The following TRPV4 variants were observed in gnomAD, a reference collection of about 807,000 sequenced individuals.
TRPV4 encodes the protein transient receptor potential cation channel subfamily V member 4, also known as OSM9-like transient receptor potential channel 4.
TRPV4 carries 58 observed loss-of-function variants against 84.1 expected under a neutral mutation model. The observed-to-expected ratio is 0.69, with a 90% confidence interval of 0.56 to 0.86. The LOEUF is 0.86. TRPV4 is among the 40% of genes least tolerant of loss of function. The probability of loss-of-function intolerance (pLI) is 0.00; values close to 1 mark genes in which losing one functional copy is unlikely to be tolerated. For missense variants in TRPV4, 879 were observed against 1,181.1 expected (o/e 0.74, Z 3.75); for synonymous variants, 489 against 500.9 (o/e 0.98, Z 0.32).
chr12:109,792,264 A>AG, intron 12 of TRPV4, 99 bp downstream of exon 12: 1 of 887,454 alleles, frequency 1.1e-6, no homozygotes, highest in Non-Finnish European at 1.7e-6. Context: ...AAAAAAAAAA[A>AG]AGAACTCAGC....
rs776442935 is a variant in TRPV4 at position 109,814,729 on chromosome 12, C to G, written c.68G>C (p.Ser23Thr). The G allele has an allele frequency of 6.3e-7, 1 of 1,595,528 alleles. No individual in the cohort carries two copies. The highest frequency in any genetic ancestry group is 2.3e-5 in the East Asian group (1 of 43,920). Reference protein sequence around the residue: ...GEVAELPGDESGTPGGEAFPL... With the variant: ...GEVAELPGDETGTPGGEAFPL... ...AAAAGCCTCCCCACCTGGGGTGCCA[C>G]TCTCATCCCCGGGGAGCTCAGCCAC... The change falls in exon 2 of 16, where the codon AGT (serine) becomes ACT (threonine). Residue 23 changes from serine (S) to threonine (T), a missense_variant. Coordinates refer to ENST00000261740, the MANE Select transcript of TRPV4 (RefSeq NM_021625.5). The surrounding 1 kb of genome is among the most constrained non-coding windows in gnomAD (Gnocchi z 5.4).
At chr12:109,809,052 ATC>A (rs1891337646) in intron 2 of TRPV4, among the ~76,000 whole-genome samples, 1 of 143,866 alleles carries the variant, frequency 7.0e-6, no homozygotes, top group African/African-American at 2.6e-5. Flanking sequence ...CCATCCATCC[ATC>A]CATCACTCAT....
Position 109,803,067 on chromosome 12 carries a change from C to A in TRPV4, c.636G>T (p.Val212=). Residue 212 remains valine (V), a synonymous_variant, in exon 4 of 16, where the codon GTG becomes GTT. Coordinates refer to ENST00000261740, the MANE Select transcript of TRPV4 (RefSeq NM_021625.5). ...LSNGRNDTIP[V]LLDIAERTGN... is the part of the protein sequence containing the mutation. The stretch of plus-strand genomic sequence containing the variant: ...CGGTGCGCTCCGCGATGTCCAGCAG[C>A]ACAGGGATGGTGTCGTTGCGGCCAT... 1 of 1,614,198 alleles carries A rather than the reference C, an allele frequency of 6.2e-7. No homozygotes were observed. The highest frequency in any genetic ancestry group is 8.5e-7 in the Non-Finnish European group (1 of 1,180,044).
intron 1 of TRPV4, among the ~76,000 whole-genome samples, chr12:109,824,022 G>A (rs1012743175): frequency 1.3e-5 from 2 of 151,956 alleles, no homozygotes; most frequent in Non-Finnish European, 2.9e-5. Flanking sequence ...TAGAGTATAA[G>A]TGGCACAATC....
intron 3 of TRPV4, among the ~76,000 whole-genome samples, chr12:109,805,541 T>C (rs1220559409): frequency 6.6e-6 from 1 of 152,094 alleles, no homozygotes; most frequent in African/African-American, 2.4e-5. Context: ...TTGGAGGTTG[T>C]GAAACTCTGC....
At chr12:109,817,721 A>G (rs922479883) in intron 1 of TRPV4, among the ~76,000 whole-genome samples, 8 of 152,396 alleles carry the variant, frequency 5.2e-5, no homozygotes, top group Admixed American at 3.3e-4. Context: ...TGCCCAGCAC[A>G]GGGCCTCATC....
chr12:109,819,564 C>T (rs1293635164), intron 1 of TRPV4, among the ~76,000 whole-genome samples: 1 of 152,154 alleles, frequency 6.6e-6, no homozygotes, highest in Non-Finnish European at 1.5e-5. Context: ...TTCAGAGCAG[C>T]GGGTGTTTGT....
At chr12:109,791,480 T>C (rs896994030) in intron 12 of TRPV4, among the ~76,000 whole-genome samples, 1 of 128,902 alleles carries the variant, frequency 7.8e-6, no homozygotes, top group Non-Finnish European at 1.6e-5. Context: ...ATTCACCAGC[T>C]TTTTTTTTTT....
Position 109,788,466 on chromosome 12 carries a change from G to C in TRPV4, c.2142C>G (p.Leu714=), listed in dbSNP as rs751939888. 1.9e-6 allele frequency: 3 copies of C among 1,614,212 alleles called. No individual in the cohort carries two copies. Among genetic ancestry groups the C allele is most frequent in the Non-Finnish European group, 2.5e-6 (3 of 1,180,034 alleles). Residue 714 remains leucine, a synonymous_variant, in exon 13 of 16, where the codon CTC becomes CTG. Coordinates refer to ENST00000261740, the MANE Select transcript of TRPV4 (RefSeq NM_021625.5). ...CCACTGTCTCGCCCATGAGGGCAATGAGCATGTTGAGGAGCAGCACAAAGG... is the reference window on the plus strand; with the variant it reads ...CCACTGTCTCGCCCATGAGGGCAATCAGCATGTTGAGGAGCAGCACAAAGG... The part of the protein sequence containing the change: ...ILTFVLLLNM[L]IALMGETVGQ...
At position 109,794,136 on chromosome 12, in the gene TRPV4, A is replaced by T. The variant is rs1330571150; in HGVS notation, c.1492-114T>A. On this transcript the variant is annotated intron_variant, in intron 8 of 15. Transcript: ENST00000261740. ...GGCATCCCATGGAGCCTCCTCCTTC[A>T]CTCTCTTCCTCCTGAGTCTTCCTCC... The T allele has an allele frequency of 3.5e-6, 4 of 1,137,858 alleles. No homozygotes were observed. The African/African-American group carries it at 4.6e-5, about 13-fold the overall frequency. 70.5% of individuals were successfully genotyped at this position (1,137,858 alleles called of 1,614,324 possible).
At position 109,783,776 on chromosome 12, in the gene TRPV4, G is replaced by A. The variant is rs1411305679; in HGVS notation, c.2461C>T (p.Arg821Cys). 5.6e-6 allele frequency: 9 copies of A among 1,611,506 alleles called. No individual in the cohort carries two copies. Among genetic ancestry groups the A allele is most frequent in the South Asian group, 5.5e-5 (5 of 91,060 alleles). Reference sequence around the variant, plus strand: ...ACGCGGGGTACCACCGAGGACCAGCGATCTGCACCGAGAGCACATCAGAGG... The same window carrying A: ...ACGCGGGGTACCACCGAGGACCAGCAATCTGCACCGAGAGCACATCAGAGG... ...SHTVGRLRRD[R>C]WSSVVPRVVE... Residue 821 changes from arginine to cysteine, a missense_variant and splice_region_variant, in exon 16 of 16, where the codon CGC (arginine) becomes TGC (cysteine). By Grantham distance (180) the Arg-to-Cys change is radical. Around this residue, in one of 4 missense-constraint regions of TRPV4, gnomAD observed 242 missense variants for 355.3 expected, o/e 0.68. Transcript: ENST00000261740. The surrounding 1 kb of genome is among the most constrained non-coding windows in gnomAD (Gnocchi z 4.6).
In TRPV4 at chr12:109,814,936, A is replaced by C. The variant is rs1031669114; in HGVS notation, c.-31-109T>G. 9.1e-5 allele frequency: 100 copies of C among 1,102,662 alleles called. 1 individual carries two copies. The African/African-American group carries it at 1.4e-3, about 15-fold the overall frequency. 68.3% of individuals were successfully genotyped at this position (1,102,662 alleles called of 1,614,324 possible). On this transcript the variant is annotated intron_variant, in intron 1 of 15. Transcript: ENST00000261740. This position sits in a 1 kb window ranked among gnomAD's most constrained non-coding sequence, Gnocchi z 5.4. The stretch of plus-strand genomic sequence containing the variant: ...CAGTGCTGCCAGCTGCTTCAAAGCC[A>C]CCGTTGTAATGACAGGGGCACAGGG...
chr12:109,783,307 G>A lies in TRPV4; in HGVS notation c.*314C>T. 3.2e-6 allele frequency: 1 copy of A among 314,968 alleles called. No individual in the cohort carries two copies. The highest frequency in any genetic ancestry group is 5.9e-6 in the Non-Finnish European group (1 of 170,514). The allele number at this position is 314,968 out of a possible 1,614,324, so 19.5% of individuals were successfully genotyped here. ...AAGGCCTCTGCCAGGTTCCAGCTGG[G>A]GCAGGGGTCACGTCGCTTCCTGAGA... On this transcript the variant is annotated 3_prime_UTR_variant, in exon 16 of 16. Coordinates refer to ENST00000261740, the MANE Select transcript of TRPV4 (RefSeq NM_021625.5). This position sits in a 1 kb window ranked among gnomAD's most constrained non-coding sequence, Gnocchi z 4.6.
chr12:109,792,462 A>C, intron 11 of TRPV4, 33 bp from the exon 12 acceptor site: 1 of 1,609,696 alleles, frequency 6.2e-7, no homozygotes, highest in Non-Finnish European at 8.5e-7. Flanking sequence ...GGAGGCAAAG[A>C]GGAGACACAT....
rs1891723582 is a variant in TRPV4, at chr12:109,814,363, A to G, written c.386+48T>C. 2.5e-6 allele frequency: 4 copies of G among 1,599,128 alleles called. No homozygotes were observed. The highest frequency in any genetic ancestry group is 3.4e-6 in the Non-Finnish European group (4 of 1,171,856). The stretch of plus-strand genomic sequence containing the variant: ...AGAGGGGTGGATGATGAATGGGTGA[A>G]TGGATACAGAGGAGGAGACCACAGG... On this transcript the variant is annotated intron_variant, in intron 2 of 15. Transcript: ENST00000261740. This position sits in a 1 kb window ranked among gnomAD's most constrained non-coding sequence, Gnocchi z 5.4.
At chr12:109,804,013 T>A (rs11068376) in intron 3 of TRPV4, among the ~76,000 whole-genome samples, 2 of 151,890 alleles carry the variant, frequency 1.3e-5, no homozygotes, top group Non-Finnish European at 2.9e-5. Flanking sequence ...CCCCAAAGTG[T>A]GGGACTGTGT....
At chr12:109,794,707 G>C (rs1208750980) in intron 7 of TRPV4, among the ~76,000 whole-genome samples, 1 of 152,166 alleles carries the variant, frequency 6.6e-6, no homozygotes, top group Admixed American at 6.5e-5. Flanking sequence ...CTCGGAACTG[G>C]AAAGTCCCTT....
intron 1 of TRPV4, among the ~76,000 whole-genome samples, chr12:109,820,513 C>CTTTTTT (rs1245573219): frequency 7.4e-4 from 79 of 106,814 alleles, no homozygotes; most frequent in Middle Eastern, 5.3e-3. Context: ...CTTCAGCTGC[C>CTTTTTT]CTATTTTTTT....
At chr12:109,812,831 T>C (rs1017256334) in intron 2 of TRPV4, among the ~76,000 whole-genome samples, 1 of 152,134 alleles carries the variant, frequency 6.6e-6, no homozygotes, top group Non-Finnish European at 1.5e-5. Context: ...GGAAGGTTGG[T>C]TATATGGGTG....
Sources: allele counts gnomAD v4.1 joint callset (sites outside exome capture counted in the v4.1 genomes callset), GRCh38; gene constraint gnomAD v4.1.1; regional missense constraint gnomAD v4.1.1; non-coding constraint Gnocchi (gnomAD v3.1); transcripts MANE v1.5; gene names NCBI Gene and HGNC (gene_info 2026-07-23, HGNC 2026-07-21).